Variants in FRMD4A observed in about 807,000 individuals in gnomAD.
The protein encoded by FRMD4A is FERM domain containing 4A.
FRMD4A carries 29 observed loss-of-function variants against 129.1 expected under a neutral mutation model. The ratio of observed to expected loss-of-function variants is 0.22; its 90% CI spans 0.17 to 0.31. FRMD4A has a LOEUF of 0.31. FRMD4A is among the 10% of genes least tolerant of loss of function. FRMD4A has a pLI of 1.00. For synonymous variants in FRMD4A, 634 were observed against 571.6 expected, an observed-to-expected ratio of 1.11 and a Z score of -1.56; for missense variants, 1,272 against 1,375.8, an observed-to-expected ratio of 0.92 and a Z score of 1.19.
chr10:14,035,353 A>G (rs1180951818), intron 2 of FRMD4A, among the ~76,000 whole-genome samples: 3 of 151,814 alleles, frequency 2.0e-5, no homozygotes, highest in African/African-American at 7.3e-5. Flanking sequence ...CTGAGGTTGC[A>G]GTGAGCCAAG....
intron 3 of FRMD4A, among the ~76,000 whole-genome samples, chr10:13,833,910 T>C (rs918860563): frequency 2.0e-5 from 3 of 151,676 alleles, no homozygotes; most frequent in African/African-American, 7.3e-5. Context: ...AAGTCCAAAG[T>C]GGGTGCAGAA....
At chr10:14,047,568 T>C (rs1233718777) in intron 2 of FRMD4A, among the ~76,000 whole-genome samples, 2 of 152,214 alleles carry the variant, frequency 1.3e-5, no homozygotes, top group East Asian at 1.9e-4. Context: ...ATAACTTACA[T>C]ATTCTTGTAA....
chr10:14,143,902 C>A (rs1435780174), intron 2 of FRMD4A, among the ~76,000 whole-genome samples: 1 of 152,050 alleles, frequency 6.6e-6, no homozygotes, highest in Non-Finnish European at 1.5e-5. Flanking sequence ...AGCCACCATG[C>A]CTGACCAATG....
At chr10:13,709,168 T>C (rs750268038) in intron 12 of FRMD4A, among the ~76,000 whole-genome samples, 4 of 152,228 alleles carry the variant, frequency 2.6e-5, no homozygotes, top group Non-Finnish European at 5.9e-5. Flanking sequence ...TTTGCCATGT[T>C]GGGCAGGCTG....
intron 2 of FRMD4A, among the ~76,000 whole-genome samples, chr10:14,005,663 G>T (rs941856144): frequency 3.9e-5 from 6 of 152,184 alleles, no homozygotes; most frequent in Non-Finnish European, 8.8e-5. Flanking sequence ...TCAGGGCCAG[G>T]CTGCCATGCC....
chr10:14,127,098 A>T (rs1176036518), intron 2 of FRMD4A, among the ~76,000 whole-genome samples: 1 of 152,210 alleles, frequency 6.6e-6, no homozygotes, highest in Non-Finnish European at 1.5e-5. Flanking sequence ...GGTGTGATCC[A>T]AGAGCTGGGA....
In FRMD4A at chr10:14,036,042, C is replaced by CA. The variant is rs10596694; in HGVS notation, c.46-177131dup. On this transcript the variant is annotated intron_variant, in intron 2 of 24. Coordinates refer to ENST00000357447, the MANE Select transcript of FRMD4A (RefSeq NM_018027.5). ...GGGCAACAAGAGTGAAACTCCACCT[C>CA]AAAAAAAAAAAAAAAAAAGTCTATA... Among the ~76,000 whole-genome samples, 421 of 134,030 alleles carry CA rather than the reference C, an allele frequency of 3.1e-3. 3 individuals are homozygous for CA. The highest frequency in any genetic ancestry group is 0.011 in the African/African-American group (391 of 35,046). The allele number at this position is 134,030 out of a possible 152,430, so 87.9% of individuals were successfully genotyped here.
At chr10:14,060,145 T>C (rs552541916) in intron 2 of FRMD4A, among the ~76,000 whole-genome samples, 2 of 152,348 alleles carry the variant, frequency 1.3e-5, no homozygotes, top group East Asian at 3.8e-4. Context: ...AATTCACTTA[T>C]TTAATTATCA....
intron 2 of FRMD4A, among the ~76,000 whole-genome samples, chr10:14,200,491 C>T (rs1842604138): frequency 6.6e-6 from 1 of 152,078 alleles, no homozygotes; most frequent in African/African-American, 2.4e-5. Context: ...TGGGGTTTCA[C>T]CATGTTGGCC....
At chr10:14,198,505 G>A (rs1007076009) in intron 2 of FRMD4A, among the ~76,000 whole-genome samples, 1 of 152,220 alleles carries the variant, frequency 6.6e-6, no homozygotes, top group African/African-American at 2.4e-5. Context: ...GAAAGTGAGG[G>A]CTTTGAGGAG....
intron 2 of FRMD4A, among the ~76,000 whole-genome samples, chr10:13,971,187 C>T (rs923192479): frequency 2.6e-5 from 4 of 151,980 alleles, no homozygotes; most frequent in Non-Finnish European, 4.4e-5. Context: ...TGCACACGCA[C>T]GCACACATGC....
chr10:14,232,214 G>A, intron 2 of FRMD4A, among the ~76,000 whole-genome samples: 1 of 152,028 alleles, frequency 6.6e-6, no homozygotes, highest in East Asian at 1.9e-4. Flanking sequence ...TGTTATCGTT[G>A]GCTTTGTCAA....
intron 2 of FRMD4A, among the ~76,000 whole-genome samples, chr10:14,193,474 CCACA>C (rs1238709830): frequency 5.2e-5 from 7 of 134,862 alleles, no homozygotes; most frequent in East Asian, 2.2e-4. Context: ...ACCCACCCAC[CCACA>C]CACACACACA....
intron 11 of FRMD4A, 21 bp from the exon 12 acceptor site, chr10:13,737,951 T>G (rs1404616684): frequency 7.7e-7 from 1 of 1,295,518 alleles, no homozygotes; most frequent in South Asian, 1.2e-5. Flanking sequence ...AAAAAAAGTT[T>G]GGGTGAATAT....
At chr10:13,841,463 T>G (rs1280233397) in intron 3 of FRMD4A, among the ~76,000 whole-genome samples, 2 of 152,218 alleles carry the variant, frequency 1.3e-5, no homozygotes, top group East Asian at 1.9e-4. Flanking sequence ...GTGACCAGCT[T>G]GACCTCCTAA....
In FRMD4A at chr10:14,096,267, C is replaced by T. The variant is rs961236593; in HGVS notation, c.45+233791G>A. Among the ~76,000 whole-genome samples, 8 of 152,160 alleles carry T rather than the reference C, an allele frequency of 5.3e-5. No individual in the cohort carries two copies. In the South Asian group the frequency reaches 8.3e-4, roughly 16 times the overall value. On this transcript the variant is annotated intron_variant, in intron 2 of 24. Transcript: ENST00000357447. ...CATAGAAGGGACAATCTGTGAGAAA[C>T]GGGCCCTCACCAGACACCAGATCTG...
chr10:13,746,311 A>G (rs1340352795), intron 9 of FRMD4A, among the ~76,000 whole-genome samples: 1 of 152,146 alleles, frequency 6.6e-6, no homozygotes, highest in African/African-American at 2.4e-5. Flanking sequence ...CCCAAGTTCA[A>G]GTGATTCTCC....
intron 2 of FRMD4A, among the ~76,000 whole-genome samples, chr10:14,153,641 A>G (rs1335376336): frequency 6.6e-6 from 1 of 152,146 alleles, no homozygotes; most frequent in Non-Finnish European, 1.5e-5. Context: ...GGTCAGGCGA[A>G]AAGGAAACCG....
chr10:13,701,519 T>C (rs1311618942), intron 13 of FRMD4A, 41 bp from the exon 14 acceptor site: 1 of 1,585,350 alleles, frequency 6.3e-7, no homozygotes, highest in South Asian at 1.1e-5. Context: ...CCATTTCTGT[T>C]GAGAGAAACC....
Sources: gnomAD v4.1 joint callset for allele counts (sites outside exome capture counted in the v4.1 genomes callset) on GRCh38, gnomAD v4.1.1 for gene constraint, MANE v1.5 for transcripts, NCBI Gene and HGNC (gene_info 2026-07-23, HGNC 2026-07-21) for gene names.